Variants in STK32B observed in about 807,000 individuals in gnomAD.
The protein encoded by STK32B is serine/threonine-protein kinase 32B.
STK32B carries 43 observed loss-of-function variants against 52.6 expected under a neutral mutation model. The ratio of observed to expected loss-of-function variants is 0.82; its 90% CI spans 0.64 to 1.05. The LOEUF is 1.05. Ranked by LOEUF, STK32B falls within the 50% of genes least tolerant of loss-of-function variation. STK32B has a pLI of 0.00. For missense variants in STK32B, 621 were observed against 534.6 expected, an observed-to-expected ratio of 1.16 and a Z score of -1.59; for synonymous variants, 238 against 204.3, an observed-to-expected ratio of 1.17 and a Z score of -1.41.
intron 4 of STK32B, among the ~76,000 whole-genome samples, chr4:5,366,340 C>T (rs1284664362): frequency 2.0e-5 from 3 of 152,172 alleles, no homozygotes; most frequent in African/African-American, 7.2e-5. Context: ...TCTTACCTTC[C>T]CAAAGGGTTT....
At chr4:5,097,285 C>T (rs539906702) in intron 1 of STK32B, among the ~76,000 whole-genome samples, 2 of 152,300 alleles carry the variant, frequency 1.3e-5, no homozygotes, top group South Asian at 2.1e-4. Context: ...ATGAATGATA[C>T]ACTTTAAATG....
chr4:5,359,251 A>T (rs1368705852), intron 4 of STK32B, among the ~76,000 whole-genome samples: 2 of 152,116 alleles, frequency 1.3e-5, no homozygotes, highest in Non-Finnish European at 2.9e-5. Flanking sequence ...TTGCTGTTCT[A>T]TTCCTCATGC....
intron 4 of STK32B, among the ~76,000 whole-genome samples, chr4:5,342,016 C>T (rs986397562): frequency 6.6e-6 from 1 of 152,078 alleles, no homozygotes; most frequent in Non-Finnish European, 1.5e-5. Context: ...CCATGACAGG[C>T]CCCAGTGTGT....
chr4:5,466,751 C>A lies in STK32B; in HGVS notation c.958C>A (p.Leu320Ile), dbSNP rs1224629488. Residue 320 changes from leucine to isoleucine, a missense_variant, in exon 10 of 12, where the codon CTA becomes ATA. Leu to Ile is a conservative substitution (Grantham distance 5). Coordinates refer to ENST00000282908, the MANE Select transcript of STK32B (RefSeq NM_018401.3). ...DPTFELEEMI[L>I]ESKPLHKKKK... ...CACATTTGAGCTTGAAGAGATGATTCTAGAATCCAAGCCACTTCACAAAAA... is the reference window on the plus strand; with the variant it reads ...CACATTTGAGCTTGAAGAGATGATTATAGAATCCAAGCCACTTCACAAAAA... 1.2e-6 allele frequency: 2 copies of A among 1,614,010 alleles called. No individual in the cohort carries two copies. Among genetic ancestry groups the A allele is most frequent in the Non-Finnish European group, 1.7e-6 (2 of 1,179,968 alleles).
chr4:5,025,906 C>T, the STK32B span, among the ~76,000 whole-genome samples: 2 of 152,220 alleles, frequency 1.3e-5, no homozygotes, highest in Admixed American at 6.5e-5. Flanking sequence ...GGGGCGGAGA[C>T]ATTACCACAA....
chr4:5,182,920 T>A (rs529532462), intron 3 of STK32B, among the ~76,000 whole-genome samples: 2 of 152,218 alleles, frequency 1.3e-5, no homozygotes, highest in Non-Finnish European at 2.9e-5. Flanking sequence ...CAACAAGCAG[T>A]AATATTTTGA....
chr4:5,121,398 C>T (rs1004467595), intron 1 of STK32B, among the ~76,000 whole-genome samples: 2 of 152,080 alleles, frequency 1.3e-5, no homozygotes, highest in African/African-American at 4.8e-5. Context: ...GAATTTGGTC[C>T]CACAACGACC....
At chr4:5,085,822 A>G (rs1031311477) in intron 1 of STK32B, among the ~76,000 whole-genome samples, 2 of 152,178 alleles carry the variant, frequency 1.3e-5, no homozygotes, top group Non-Finnish European at 2.9e-5. Flanking sequence ...TTCCCCATTT[A>G]CTATCTCAGC....
At chr4:5,202,945 G>T (rs1722272255) in intron 3 of STK32B, among the ~76,000 whole-genome samples, 1 of 152,188 alleles carries the variant, frequency 6.6e-6, no homozygotes, top group African/African-American at 2.4e-5. Context: ...AACACCTCCT[G>T]TGGGCAACAA....
intron 4 of STK32B, among the ~76,000 whole-genome samples, chr4:5,393,683 T>C (rs1309599633): frequency 6.6e-6 from 1 of 152,104 alleles, no homozygotes; most frequent in African/African-American, 2.4e-5. Context: ...AGGATGGTGC[T>C]AAACCATTCA....
At chr4:5,311,608 C>G (rs1188770922) in intron 3 of STK32B, among the ~76,000 whole-genome samples, 2 of 152,064 alleles carry the variant, frequency 1.3e-5, no homozygotes, top group East Asian at 1.9e-4. Context: ...AGGCTACCAA[C>G]ACAGATTCTG....
chr4:5,343,520 C>G (rs531917498), intron 4 of STK32B, among the ~76,000 whole-genome samples: 1 of 152,114 alleles, frequency 6.6e-6, no homozygotes, highest in African/African-American at 2.4e-5. Flanking sequence ...CCTGAGGAAT[C>G]GCCACACTGA....
At chr4:5,224,478 A>G (rs1295089081) in intron 3 of STK32B, among the ~76,000 whole-genome samples, 1 of 152,226 alleles carries the variant, frequency 6.6e-6, no homozygotes, top group African/African-American at 2.4e-5. Flanking sequence ...AGCCCAATCA[A>G]GGATCCTCTG....
intron 4 of STK32B, among the ~76,000 whole-genome samples, chr4:5,349,636 C>T (rs1267367812): frequency 1.3e-5 from 2 of 151,916 alleles, no homozygotes; most frequent in Admixed American, 6.6e-5. Flanking sequence ...AACACAGATC[C>T]CAATCAAAAA....
chr4:5,077,554 G>T (rs1377393121), intron 1 of STK32B, among the ~76,000 whole-genome samples: 1 of 152,168 alleles, frequency 6.6e-6, no homozygotes, highest in African/African-American at 2.4e-5. Flanking sequence ...CCATTGCACA[G>T]CCTTCCTGTG....
rs1735890676 is a variant in STK32B at position 5,380,819 on chromosome 4, G to C, written c.435-17388G>C. 6.6e-6 allele frequency among the ~76,000 whole-genome samples: 1 copy of C among 152,160 alleles called. No homozygotes were observed. On this transcript the variant is annotated intron_variant, in intron 4 of 11. Coordinates refer to ENST00000282908, the MANE Select transcript of STK32B (RefSeq NM_018401.3). This position sits in a 1 kb window ranked among gnomAD's most constrained non-coding sequence, Gnocchi z 4.3. Reference sequence around the variant, plus strand: ...CAGTCCTTACAACAGCCTACAAGTAGAGCTTAGATCTTCATGGTGTGGTAA... The same window carrying C: ...CAGTCCTTACAACAGCCTACAAGTACAGCTTAGATCTTCATGGTGTGGTAA...
chr4:5,222,526 G>A (rs1029827797), intron 3 of STK32B, among the ~76,000 whole-genome samples: 1 of 152,172 alleles, frequency 6.6e-6, no homozygotes, highest in Non-Finnish European at 1.5e-5. Flanking sequence ...GATGAGCAAT[G>A]TCTTATTGAA....
chr4:5,281,145 C>G (rs1164078871), intron 3 of STK32B, among the ~76,000 whole-genome samples: 1 of 144,252 alleles, frequency 6.9e-6, no homozygotes, highest in South Asian at 2.2e-4. Context: ...CCAACCAGAT[C>G]TCATGAGAAC....
chr4:5,282,223 T>C (rs1481365377), intron 3 of STK32B, among the ~76,000 whole-genome samples: 1 of 152,108 alleles, frequency 6.6e-6, no homozygotes, highest in Non-Finnish European at 1.5e-5. Flanking sequence ...CCTATATATA[T>C]TGTTTTTTAC....
Sources: allele counts gnomAD v4.1 joint callset (sites outside exome capture counted in the v4.1 genomes callset), GRCh38; gene constraint gnomAD v4.1.1; non-coding constraint Gnocchi (gnomAD v3.1); transcripts MANE v1.5; gene names NCBI Gene and HGNC (gene_info 2026-07-23, HGNC 2026-07-21).